DCAF1: variants seen among roughly 807,000 people sequenced by gnomAD.
DCAF1 encodes the protein DDB1 and CUL4 associated factor 1, also known as DDB1- and CUL4-associated factor 1.
In DCAF1, 15 loss-of-function variants were observed where a neutral mutation model predicts 128.0. The observed-to-expected ratio is 0.12, with a 90% confidence interval of 0.08 to 0.18. The LOEUF is 0.18. Ranked by LOEUF, DCAF1 falls within the 10% of genes least tolerant of loss-of-function variation. DCAF1 has a pLI of 1.00. For synonymous variants in DCAF1, 610 were observed against 603.0 expected (o/e 1.01, Z -0.17); for missense variants, 988 against 1,649.5 (o/e 0.60, Z 6.95).
chr3:51,462,569 A>G (rs1410979777), intron 6 of DCAF1, among the ~76,000 whole-genome samples: 2 of 152,096 alleles, frequency 1.3e-5, no homozygotes, highest in Non-Finnish European at 2.9e-5. Context: ...AACATGGTGA[A>G]ATCCCATCTC....
chr3:51,427,628 A>G (rs782223648), intron 12 of DCAF1, 87 bp from the exon 13 acceptor site: 1 of 443,778 alleles, frequency 2.3e-6, no homozygotes. Flanking sequence ...TGGCCAAGAG[A>G]TTTTATTTTA....
chr3:51,500,131 A>G (rs1553663671), upstream of DCAF1: 11 of 129,394 alleles, frequency 8.5e-5, 1 homozygote, highest in East Asian at 1.3e-3. Flanking sequence ...AAAAAAAAAA[A>G]AAAAAAAAAA....
intron 3 of DCAF1, among the ~76,000 whole-genome samples, chr3:51,479,863 T>C (rs1705946330): frequency 6.6e-6 from 1 of 151,786 alleles, no homozygotes; most frequent in Non-Finnish European, 1.5e-5. Context: ...TTAAAATACA[T>C]ACATATGAAT....
At chr3:51,476,376 G>A (rs1359502785) in intron 3 of DCAF1, among the ~76,000 whole-genome samples, 3 of 151,742 alleles carry the variant, frequency 2.0e-5, no homozygotes, top group East Asian at 3.9e-4. Context: ...GGGTGCGAGT[G>A]AGACTCCATC....
intron 24 of DCAF1, among the ~76,000 whole-genome samples, chr3:51,399,926 A>C (rs2089525936): frequency 6.6e-6 from 1 of 152,208 alleles, no homozygotes; most frequent in African/African-American, 2.4e-5. Flanking sequence ...CCAGTGCCTA[A>C]GAGAATCAAC....
intron 6 of DCAF1, among the ~76,000 whole-genome samples, chr3:51,457,134 G>A (rs895277303): frequency 5.3e-5 from 8 of 152,006 alleles, no homozygotes; most frequent in Non-Finnish European, 7.4e-5. Flanking sequence ...GAGGAAATTC[G>A]AACCAATGGC....
chr3:51,494,500 A>T (rs1708025602), intron 2 of DCAF1, among the ~76,000 whole-genome samples: 1 of 152,126 alleles, frequency 6.6e-6, no homozygotes, highest in African/African-American at 2.4e-5. Flanking sequence ...AACGCCACTG[A>T]TTTGTACACT....
intron 13 of DCAF1, among the ~76,000 whole-genome samples, chr3:51,425,463 C>T (rs932112157): frequency 1.1e-4 from 16 of 151,802 alleles, no homozygotes; most frequent in African/African-American, 3.4e-4. Flanking sequence ...CAGAGCAAGA[C>T]TCTGTCTCCA....
rs2089414338 is a variant in DCAF1, at chr3:51,398,790, G to A, written c.4503C>T (p.Ile1501=). 1 of 1,591,254 alleles carries A rather than the reference G, an allele frequency of 6.3e-7. No individual in the cohort carries two copies. The highest frequency in any genetic ancestry group is 1.3e-5 in the African/African-American group (1 of 74,568). The change falls in exon 25 of 25, where the codon ATC becomes ATT. Residue 1501 remains isoleucine (I), a synonymous_variant. Coordinates refer to ENST00000684031, the MANE Select transcript of DCAF1 (RefSeq NM_001387579.1). The stretch of plus-strand genomic sequence containing the variant: ...CTCCTCACTCATTCAGAGATAAGAT[G>A]ATGTCATCTTCCAAATCAGAGTTGT... ...SSDNSDLEDD[I]ILSLNE
chr3:51,479,771 A>G (rs1291034748), intron 3 of DCAF1, among the ~76,000 whole-genome samples: 1 of 152,088 alleles, frequency 6.6e-6, no homozygotes, highest in African/African-American at 2.4e-5. Flanking sequence ...ACTCCAGCCC[A>G]GGCAACAGAG....
At chr3:51,465,676 C>T (rs553861031) in intron 5 of DCAF1, among the ~76,000 whole-genome samples, 2 of 150,532 alleles carry the variant, frequency 1.3e-5, no homozygotes, top group South Asian at 4.2e-4. Context: ...ACCCAGGAGG[C>T]AGAGGTTGCA....
At chr3:51,425,406 A>G (rs1290883505) in intron 13 of DCAF1, among the ~76,000 whole-genome samples, 6 of 151,972 alleles carry the variant, frequency 3.9e-5, no homozygotes, top group Admixed American at 2.0e-4. Flanking sequence ...TGGGAGGTGG[A>G]GGTTGGAGTG....
chr3:51,438,053 A>G (rs782259919), intron 9 of DCAF1: 4 of 423,470 alleles, frequency 9.4e-6, no homozygotes, highest in Non-Finnish European at 1.8e-5. Flanking sequence ...TTAAAATTTT[A>G]CTTATTACAT....
At chr3:51,500,310 C>A (rs138014183), upstream of DCAF1, among the ~76,000 whole-genome samples, 3 of 151,876 alleles carry the variant, frequency 2.0e-5, no homozygotes, top group Non-Finnish European at 2.9e-5. Context: ...TTGGCTGCTT[C>A]GGAAGGCGGA....
chr3:51,399,455 C>T (rs2089481139), intron 24 of DCAF1, among the ~76,000 whole-genome samples: 2 of 152,178 alleles, frequency 1.3e-5, no homozygotes, highest in African/African-American at 4.8e-5. Context: ...AGTAGCTACC[C>T]ATCCAGAGGC....
intron 6 of DCAF1, among the ~76,000 whole-genome samples, chr3:51,449,931 G>C (rs1577185114): frequency 6.6e-6 from 1 of 152,172 alleles, no homozygotes; most frequent in East Asian, 1.9e-4. Flanking sequence ...GACTCATAAA[G>C]AAACAGAAAA....
chr3:51,470,397 CAA>C (rs1704603363), intron 4 of DCAF1, among the ~76,000 whole-genome samples: 1 of 151,996 alleles, frequency 6.6e-6, no homozygotes, highest in South Asian at 2.1e-4. Context: ...CCCATCTCTA[CAA>C]AAAAATAAAA....
At chr3:51,480,776 T>C (rs782172278) in intron 3 of DCAF1, among the ~76,000 whole-genome samples, 1 of 152,118 alleles carries the variant, frequency 6.6e-6, no homozygotes, top group Non-Finnish European at 1.5e-5. Context: ...TGATTTGTTT[T>C]AATACTCCTA....
At chr3:51,461,970 A>T (rs1429651157) in intron 6 of DCAF1, among the ~76,000 whole-genome samples, 1 of 152,040 alleles carries the variant, frequency 6.6e-6, no homozygotes, top group Non-Finnish European at 1.5e-5. Context: ...CTAAATGTCG[A>T]GTTAATGGGT....
Sources: gnomAD v4.1 joint callset for allele counts (sites outside exome capture counted in the v4.1 genomes callset) on GRCh38, gnomAD v4.1.1 for gene constraint, MANE v1.5 for transcripts, NCBI Gene and HGNC (gene_info 2026-07-23, HGNC 2026-07-21) for gene names.